The following ANO2 variants were observed in gnomAD, a reference collection of about 807,000 sequenced individuals.
ANO2 encodes the protein anoctamin 2, also known as anoctamin-2.
In ANO2, 101 loss-of-function variants were observed where a neutral mutation model predicts 124.2. The observed-to-expected ratio is 0.81, with a 90% confidence interval of 0.69 to 0.96. The LOEUF is 0.96. Ranked by LOEUF, ANO2 falls within the 40% of genes least tolerant of loss-of-function variation. ANO2 has a pLI of 0.00. For missense variants in ANO2, 1,293 were observed against 1,274.5 expected, an observed-to-expected ratio of 1.01 and a Z score of -0.22; for synonymous variants, 486 against 482.5, an observed-to-expected ratio of 1.01 and a Z score of -0.09.
intron 14 of ANO2, among the ~76,000 whole-genome samples, chr12:5,668,676 T>C (rs1423665424): frequency 6.6e-6 from 1 of 152,206 alleles, no homozygotes; most frequent in East Asian, 1.9e-4. Context: ...TTTATAGTTT[T>C]GGGTTTTACA....
intron 20 of ANO2, among the ~76,000 whole-genome samples, chr12:5,591,894 C>T (rs1490060933): frequency 6.6e-6 from 1 of 152,164 alleles, no homozygotes; most frequent in Non-Finnish European, 1.5e-5. Context: ...GGAGTCACTG[C>T]AGAGGCAGGG....
Position 5,932,399 on chromosome 12 carries a change from T to C in ANO2, c.23-9595A>G, listed in dbSNP as rs1211160314. On this transcript the variant is annotated intron_variant, in intron 1 of 24. Coordinates refer to ENST00000682330, the MANE Select transcript of ANO2 (RefSeq NM_001364791.2). ...AAGGCAGACGAGTGAGGAAAGAAGA[T>C]AGACTAGTAAGGAAGGAAGACTGGT... 1.4e-3 allele frequency among the ~76,000 whole-genome samples: 195 copies of C among 137,228 alleles called. 1 individual carries two copies. The highest frequency in any genetic ancestry group is 4.7e-3 in the African/African-American group (174 of 36,950). The allele number at this position is 137,228 out of a possible 152,430, so 90.0% of individuals were successfully genotyped here.
At chr12:5,916,163 G>A (rs1242605848) in intron 3 of ANO2, among the ~76,000 whole-genome samples, 4 of 152,110 alleles carry the variant, frequency 2.6e-5, no homozygotes, top group African/African-American at 9.7e-5. Flanking sequence ...GCTGGTCCCA[G>A]CTACTCAGGA....
rs2136289500 is a variant in ANO2, at chr12:5,908,390, A to G, written c.534+12650T>C. 1.3e-5 allele frequency among the ~76,000 whole-genome samples: 2 copies of G among 152,282 alleles called. 1 individual carries two copies. ...AGCCCTTACCACCTGAGAATAATCA[A>G]TTCCTGAGTGGAAACTCAACAAGGC... On this transcript the variant is annotated intron_variant, in intron 3 of 24. Transcript: ENST00000682330. The surrounding 1 kb of genome is among the most constrained non-coding windows in gnomAD (Gnocchi z 4.7).
At chr12:5,575,492 G>A (rs373375795) in intron 23 of ANO2, among the ~76,000 whole-genome samples, 31 of 152,180 alleles carry the variant, frequency 2.0e-4, no homozygotes, top group Admixed American at 1.1e-3. Context: ...ATCACAGAAC[G>A]TGCTTATACA....
At chr12:5,660,084 T>C (rs1947363426) in intron 14 of ANO2, among the ~76,000 whole-genome samples, 1 of 152,200 alleles carries the variant, frequency 6.6e-6, no homozygotes, top group African/African-American at 2.4e-5. Context: ...CCTGACTTAA[T>C]GATGGTTCGA....
chr12:5,692,766 C>A (rs756913196), intron 14 of ANO2, among the ~76,000 whole-genome samples: 1 of 152,126 alleles, frequency 6.6e-6, no homozygotes, highest in East Asian at 1.9e-4. Context: ...CTGTCCCCTG[C>A]GCCCCGTAGT....
At chr12:5,700,297 T>C (rs886737511) in intron 14 of ANO2, among the ~76,000 whole-genome samples, 25 of 152,136 alleles carry the variant, frequency 1.6e-4, no homozygotes, top group South Asian at 2.1e-4. Context: ...CACTCAAAAC[T>C]GCTCAACTAC....
Position 5,635,174 on chromosome 12 carries a change from C to G in ANO2, c.1794G>C (p.Val598=). 6.3e-7 allele frequency: 1 copy of G among 1,588,330 alleles called. No individual in the cohort carries two copies. The highest frequency in any genetic ancestry group is 1.8e-5 in the Admixed American group (1 of 54,354). The change falls in exon 16 of 25, where the codon GTG becomes GTC. Residue 598 remains valine, a synonymous_variant. Transcript: ENST00000682330. This position sits in a 1 kb window ranked among gnomAD's most constrained non-coding sequence, Gnocchi z 5.2. Reference sequence around the variant, plus strand: ...TACCAATTTTGGTGAGCCACTTGGCCACAGCGCCGTAGATCTCGTCCAGGA... The same window carrying G: ...TACCAATTTTGGTGAGCCACTTGGCGACAGCGCCGTAGATCTCGTCCAGGA... The part of the protein sequence containing the change: ...ILILDEIYGA[V]AKWLTKIEVP...
chr12:5,895,487 A>G (rs1322013811), intron 3 of ANO2, among the ~76,000 whole-genome samples: 1 of 152,180 alleles, frequency 6.6e-6, no homozygotes, highest in Non-Finnish European at 1.5e-5. Context: ...ATGAAGAGAC[A>G]TTTCTTAAGA....
At chr12:5,841,039 A>G (rs1954497578) in intron 4 of ANO2, among the ~76,000 whole-genome samples, 1 of 152,162 alleles carries the variant, frequency 6.6e-6, no homozygotes, top group Non-Finnish European at 1.5e-5. Context: ...GAGCAAGAGA[A>G]GCCAAAAATG....
At chr12:5,623,446 C>G (rs1335869304) in intron 16 of ANO2, among the ~76,000 whole-genome samples, 2 of 152,210 alleles carry the variant, frequency 1.3e-5, no homozygotes, top group African/African-American at 4.8e-5. Flanking sequence ...CTGTGCAGAG[C>G]CATTCCCACC....
intron 1 of ANO2, among the ~76,000 whole-genome samples, chr12:5,944,589 C>T (rs903965258): frequency 6.6e-6 from 1 of 152,190 alleles, no homozygotes; most frequent in Non-Finnish European, 1.5e-5. Context: ...CATACTCCAC[C>T]TCAATTTGCT....
chr12:5,770,128 C>G (rs1291541297), intron 10 of ANO2, among the ~76,000 whole-genome samples: 1 of 152,214 alleles, frequency 6.6e-6, no homozygotes, highest in Non-Finnish European at 1.5e-5. Context: ...CTCTTAACTA[C>G]TAGGCCACAT....
At chr12:5,815,873 T>C (rs978181929) in intron 7 of ANO2, among the ~76,000 whole-genome samples, 3 of 152,302 alleles carry the variant, frequency 2.0e-5, no homozygotes, top group Admixed American at 2.0e-4. Flanking sequence ...TACTTGTATA[T>C]AGGTTAAAGC....
intron 1 of ANO2, 50 bp downstream of exon 1, chr12:5,945,146 C>A (rs146730494): frequency 1.6e-6 from 2 of 1,276,262 alleles, no homozygotes; most frequent in Non-Finnish European, 2.0e-6. Flanking sequence ...TCACTCCCTC[C>A]CTCCTACCAC....
intron 14 of ANO2, among the ~76,000 whole-genome samples, chr12:5,660,893 G>A (rs564543093): frequency 6.6e-6 from 1 of 152,250 alleles, no homozygotes; most frequent in Non-Finnish European, 1.5e-5. Context: ...ACCCCACAAA[G>A]CAATTTTGTG....
At chr12:5,795,678 G>A (rs2137156274) in intron 10 of ANO2, among the ~76,000 whole-genome samples, 1 of 152,280 alleles carries the variant, frequency 6.6e-6, no homozygotes, top group East Asian at 1.9e-4. Flanking sequence ...AGATGCTTAA[G>A]ACCTATTGTT....
At chr12:5,695,712 G>A (rs4930787) in intron 14 of ANO2, among the ~76,000 whole-genome samples, 20,805 of 152,082 alleles carry the variant, frequency 0.14, 1,528 homozygotes, top group Middle Eastern at 0.24. Context: ...CTGGTGGCGC[G>A]TGCCTGTAAC....
Sources: gnomAD v4.1 joint callset for allele counts (sites outside exome capture counted in the v4.1 genomes callset) on GRCh38, gnomAD v4.1.1 for gene constraint, Gnocchi (gnomAD v3.1) non-coding constraint, MANE v1.5 for transcripts, NCBI Gene and HGNC (gene_info 2026-07-23, HGNC 2026-07-21) for gene names.